Variants in ZSCAN2 observed in about 807,000 individuals in gnomAD.
ZSCAN2 encodes zinc finger and SCAN domain containing 2.
A neutral mutation model predicts 47.8 loss-of-function variants in ZSCAN2; 26 were observed. The observed-to-expected ratio is 0.54, with a 90% confidence interval of 0.40 to 0.75. ZSCAN2 has a LOEUF of 0.75. Ranked by LOEUF, ZSCAN2 falls within the 30% of genes least tolerant of loss-of-function variation. The pLI is 0.00. For missense variants in ZSCAN2, 732 were observed against 785.4 expected, an observed-to-expected ratio of 0.93 and a Z score of 0.81; for synonymous variants, 305 against 288.7, an observed-to-expected ratio of 1.06 and a Z score of -0.57.
chr15:84,614,960 C>CTT, intron 2 of ZSCAN2: 1 of 140,902 alleles, frequency 7.1e-6, no homozygotes, highest in Non-Finnish European at 1.5e-5. Flanking sequence ...AGTATTAGTT[C>CTT]TTTTTTTTTT....
At chr15:84,604,552 A>G (rs1895317676) in intron 2 of ZSCAN2, among the ~76,000 whole-genome samples, 1 of 152,160 alleles carries the variant, frequency 6.6e-6, no homozygotes, top group Non-Finnish European at 1.5e-5. Context: ...TTAGAGCTAC[A>G]TTTGAATTGT....
intron 2 of ZSCAN2, chr15:84,606,711 G>A: frequency 6.9e-7 from 1 of 1,458,408 alleles, no homozygotes; most frequent in African/African-American, 1.4e-5. Context: ...GGTGATTACA[G>A]CCCTTCCCAT....
chr15:84,608,226 C>G (rs1351323524), intron 2 of ZSCAN2, among the ~76,000 whole-genome samples: 1 of 151,964 alleles, frequency 6.6e-6, no homozygotes, highest in East Asian at 1.9e-4. Context: ...CCTAGAACTC[C>G]TGAATCAGAC....
At chr15:84,618,922 A>C (rs79206775) in intron 2 of ZSCAN2, among the ~76,000 whole-genome samples, 1,788 of 152,210 alleles carry the variant, frequency 0.012, 42 homozygotes, top group African/African-American at 0.04. Flanking sequence ...TGAAGCCAAC[A>C]CACTATTCAG....
chr15:84,617,600 G>A (rs1264153483), intron 2 of ZSCAN2, among the ~76,000 whole-genome samples: 6 of 152,138 alleles, frequency 3.9e-5, no homozygotes, highest in African/African-American at 9.7e-5. Flanking sequence ...GCATGTGTCA[G>A]TGTAAGCATG....
chr15:84,615,683 C>T (rs762597195), intron 2 of ZSCAN2, among the ~76,000 whole-genome samples: 11 of 152,128 alleles, frequency 7.2e-5, no homozygotes, highest in Admixed American at 1.3e-4. Flanking sequence ...CATTTCCTGT[C>T]ATTGCTTTCT....
At position 84,622,825 on chromosome 15, in the gene ZSCAN2, T is replaced by A. The variant is rs1318055993; in HGVS notation, c.*785T>A. 1.6e-6 allele frequency: 1 copy of A among 631,932 alleles called. No individual in the cohort carries two copies. The highest frequency in any genetic ancestry group is 2.7e-5 in the Admixed American group (1 of 36,800). 39.1% of individuals were successfully genotyped at this position (631,932 alleles called of 1,614,324 possible). ...AGATCAGCTACCAGGGGAACACATT[T>A]GTTCTCGTGGGGTTTTGTCCTGGAG... On this transcript the variant is annotated 3_prime_UTR_variant, in exon 3 of 3. Transcript: ENST00000546148.
In ZSCAN2 at chr15:84,604,117, G is replaced by A. The variant is rs756957470; in HGVS notation, c.190G>A (p.Gly64Ser). 1.2e-5 allele frequency: 20 copies of A among 1,613,900 alleles called. No homozygotes were observed. The Admixed American group carries it at 2.3e-4, about 19-fold the overall frequency. ...EPFPQSAGKG[G>S]PQEEVTRGPQ... ...CTTTCCCCAGAGTGCTGGCAAGGGC[G>A]GCCCCCAGGAGGAGGTGACCAGGGG... The change falls in exon 2 of 3, where the codon GGC (glycine) becomes AGC (serine). Residue 64 changes from glycine (G) to serine (S), a missense_variant. Transcript: ENST00000546148.
chr15:84,610,488 C>CTTTTTTTT (rs71132689), intron 2 of ZSCAN2, among the ~76,000 whole-genome samples: 1 of 86,936 alleles, frequency 1.2e-5, no homozygotes, highest in Non-Finnish European at 2.1e-5. Context: ...TTCTTTCTTT[C>CTTTTTTTT]TTTTTTTTTT....
intron 2 of ZSCAN2, among the ~76,000 whole-genome samples, chr15:84,618,549 C>T (rs1329204110): frequency 6.6e-6 from 1 of 151,602 alleles, no homozygotes; most frequent in Non-Finnish European, 1.5e-5. Flanking sequence ...TTAATGTTCC[C>T]AACAGCCATT....
chr15:84,609,985 G>A (rs1186444947), intron 2 of ZSCAN2, among the ~76,000 whole-genome samples: 3 of 152,240 alleles, frequency 2.0e-5, no homozygotes, highest in Admixed American at 2.0e-4. Flanking sequence ...GTGGCCAGGC[G>A]AGGACACGCA....
rs1895846213 is a variant in ZSCAN2, at chr15:84,622,890, G to A, written c.*850G>A. ...CGAGAGCCCTAGCTGCCAACCCATGGTGGATGGTAACTTCTGTCTCATCAA... is the reference window on the plus strand; with the variant it reads ...CGAGAGCCCTAGCTGCCAACCCATGATGGATGGTAACTTCTGTCTCATCAA... On this transcript the variant is annotated 3_prime_UTR_variant, in exon 3 of 3. Coordinates refer to ENST00000546148, the MANE Select transcript of ZSCAN2 (RefSeq NM_181877.4). The A allele has an allele frequency of 3.4e-6, 2 of 579,998 alleles. No individual in the cohort carries two copies. The highest frequency in any genetic ancestry group is 6.3e-6 in the Non-Finnish European group (2 of 319,516). 35.9% of individuals were successfully genotyped at this position (579,998 alleles called of 1,614,324 possible). A position where few individuals can be genotyped will look rare whatever the true frequency, so the allele number is the denominator to read the frequency against.
chr15:84,616,365 C>A, intron 2 of ZSCAN2: 1 of 1,611,254 alleles, frequency 6.2e-7, no homozygotes, highest in Non-Finnish European at 8.5e-7. Flanking sequence ...GCCTCACCTC[C>A]TTTGCCTCTC....
intron 2 of ZSCAN2, among the ~76,000 whole-genome samples, chr15:84,609,964 A>G (rs770343671): frequency 6.6e-6 from 1 of 152,214 alleles, no homozygotes; most frequent in Non-Finnish European, 1.5e-5. Flanking sequence ...CGGGAGAGAA[A>G]GAGGAGGCCT....
intron 2 of ZSCAN2, among the ~76,000 whole-genome samples, chr15:84,618,124 A>G (rs1210536393): frequency 6.6e-6 from 1 of 152,094 alleles, no homozygotes; most frequent in Non-Finnish European, 1.5e-5. Context: ...AATAATAGAA[A>G]TGTCACTAGG....
At chr15:84,614,965 T>G (rs1252923233) in intron 2 of ZSCAN2, 1 of 149,196 alleles carries the variant, frequency 6.7e-6, no homozygotes, top group African/African-American at 2.5e-5. Context: ...TAGTTCTTTT[T>G]TTTTTTGAGA....
At chr15:84,609,944 C>T (rs1180826590) in intron 2 of ZSCAN2, among the ~76,000 whole-genome samples, 2 of 152,230 alleles carry the variant, frequency 1.3e-5, no homozygotes, top group Admixed American at 1.3e-4. Context: ...TTCTGGTATG[C>T]TCTATGGTGC....
At chr15:84,613,878 C>T (rs1249729645) in intron 2 of ZSCAN2, among the ~76,000 whole-genome samples, 1 of 151,634 alleles carries the variant, frequency 6.6e-6, no homozygotes, top group East Asian at 1.9e-4. Flanking sequence ...GATGGGGTTT[C>T]ACCATGTTGG....
intron 2 of ZSCAN2, among the ~76,000 whole-genome samples, chr15:84,608,548 A>AT (rs888832053): frequency 1.3e-5 from 2 of 151,288 alleles, no homozygotes; most frequent in African/African-American, 4.9e-5. Flanking sequence ...AAAAAAAAAA[A>AT]AAGAAACTGA....
Sources: allele counts gnomAD v4.1 joint callset (sites outside exome capture counted in the v4.1 genomes callset), GRCh38; gene constraint gnomAD v4.1.1; transcripts MANE v1.5; gene names NCBI Gene and HGNC (gene_info 2026-07-23, HGNC 2026-07-21).